The following IFT122 variants were observed in gnomAD, a reference collection of about 807,000 sequenced individuals.
IFT122 encodes the protein intraflagellar transport 122.
Under a neutral mutation model 161.6 loss-of-function variants are expected in IFT122, and 118 were observed. That is an observed-to-expected ratio of 0.73 (90% CI 0.63 to 0.85). The LOEUF (loss-of-function observed/expected upper bound fraction) is 0.85. Ranked by LOEUF, IFT122 falls within the 40% of genes least tolerant of loss-of-function variation. The probability of loss-of-function intolerance (pLI) is 0.00; values close to 1 mark genes in which losing one functional copy is unlikely to be tolerated. For missense variants in IFT122, 1,381 were observed against 1,579.6 expected (o/e 0.87, Z 2.13); for synonymous variants, 550 against 602.4 (o/e 0.91, Z 1.27).
rs13090150 is a variant in IFT122, at chr3:129,450,872, C to T, written c.108+935C>T. Among the ~76,000 whole-genome samples, 193 of 151,916 alleles carry T rather than the reference C, an allele frequency of 1.3e-3. 2 individuals are homozygous for T. The highest frequency in any genetic ancestry group is 9.7e-3 in the Admixed American group (147 of 15,230). ...AGTAGCTGGGACTACAGGCGCCTGC[C>T]GCTACGCTCAGCTAATTTTTTGTAT... On this transcript the variant is annotated intron_variant, in intron 2 of 29. Transcript: ENST00000348417.
chr3:129,494,430 G>C (rs376558651), intron 17 of IFT122, among the ~76,000 whole-genome samples: 1 of 152,112 alleles, frequency 6.6e-6, no homozygotes, highest in African/African-American at 2.4e-5. Flanking sequence ...TGAGCTGTGT[G>C]CAGGTTTTTA....
In IFT122 at chr3:129,481,632, G is replaced by A. The variant is rs779410469; in HGVS notation, c.1591G>A (p.Val531Met). The A allele has an allele frequency of 1.4e-5, 23 of 1,610,660 alleles. No individual in the cohort carries two copies. Among genetic ancestry groups the A allele is most frequent in the African/African-American group, 2.7e-5 (2 of 74,890 alleles). ...DMSASRKKLA[V>M]VDENDTCLVY... Reference sequence around the variant, plus strand: ...GAGTGCCTCCCGTAAGAAGCTGGCCGTGGTAGATGAAAATGACACTTGCCT... The same window carrying A: ...GAGTGCCTCCCGTAAGAAGCTGGCCATGGTAGATGAAAATGACACTTGCCT... The change falls in exon 14 of 30, where the codon GTG (valine) becomes ATG (methionine). Residue 531 changes from valine to methionine, a missense_variant. Val to Met is a conservative substitution (Grantham distance 21). Around this residue, in one of 7 missense-constraint regions of IFT122, gnomAD observed 544 missense variants for 648.0 expected, o/e 0.84. Coordinates refer to ENST00000348417, the MANE Select transcript of IFT122 (RefSeq NM_052989.3).
At chr3:129,497,286 C>G (rs983286895) in intron 18 of IFT122, among the ~76,000 whole-genome samples, 3 of 152,204 alleles carry the variant, frequency 2.0e-5, no homozygotes, top group Non-Finnish European at 4.4e-5. Flanking sequence ...TAATAAAATG[C>G]CTGGCCTTGG....
intron 15 of IFT122, among the ~76,000 whole-genome samples, chr3:129,484,331 CAG>C (rs1025690201): frequency 6.6e-6 from 1 of 152,152 alleles, no homozygotes; most frequent in Non-Finnish European, 1.5e-5. Context: ...TGCCATAAAA[CAG>C]AGACGTGCAT....
chr3:129,444,527 T>C (rs1349780437), intron 1 of IFT122, among the ~76,000 whole-genome samples: 1 of 152,000 alleles, frequency 6.6e-6, no homozygotes, highest in African/African-American at 2.4e-5. Flanking sequence ...AAGTTTACAC[T>C]CTTTTTTTTT....
chr3:129,500,402 C>T (rs1474735704), intron 19 of IFT122, among the ~76,000 whole-genome samples: 5 of 152,226 alleles, frequency 3.3e-5, no homozygotes, highest in African/African-American at 7.2e-5. Flanking sequence ...TGTCTCCTCG[C>T]CCACCTTGCA....
rs144640118 is a variant in IFT122, at chr3:129,446,198, G to A, written c.42-3673G>A. On this transcript the variant is annotated intron_variant, in intron 1 of 29. Coordinates refer to ENST00000348417, the MANE Select transcript of IFT122 (RefSeq NM_052989.3). ...GCCACAATCCTTTATCTTAACCCAGGCATTCCTTTCTGTTGAACCTAGGTT... is the reference window on the plus strand; with the variant it reads ...GCCACAATCCTTTATCTTAACCCAGACATTCCTTTCTGTTGAACCTAGGTT... 4.5e-3 allele frequency among the ~76,000 whole-genome samples: 687 copies of A among 151,626 alleles called. 4 individuals are homozygous for A. Among genetic ancestry groups the A allele is most frequent in the African/African-American group, 0.016 (654 of 41,336 alleles).
chr3:129,485,969 A>G (rs1026027767), intron 15 of IFT122, among the ~76,000 whole-genome samples: 1 of 152,224 alleles, frequency 6.6e-6, no homozygotes, highest in Non-Finnish European at 1.5e-5. Context: ...TGCCTTTCGA[A>G]ATTTACATTG....
Position 129,506,457 on chromosome 3 carries a change from A to C in IFT122, c.2699A>C (p.Gln900Pro). The change falls in exon 22 of 30, where the codon CAG (glutamine) becomes CCG (proline). Residue 900 changes from glutamine to proline, a missense_variant. By Grantham distance (76) the Gln-to-Pro change is moderately conservative (BLOSUM62 -1). Around this residue, in one of 7 missense-constraint regions of IFT122, gnomAD observed 496 missense variants for 502.5 expected, o/e 0.99. Coordinates refer to ENST00000348417, the MANE Select transcript of IFT122 (RefSeq NM_052989.3). The part of the protein sequence containing the change: ...RQREAVQVLE[Q>P]LTNNAVAESR... ...AGAGAAGCGGTCCAGGTGCTGGAGC[A>C]GCTCACAAACAATGCCGTGGCGGAG... 1 of 1,614,254 alleles carries C rather than the reference A, an allele frequency of 6.2e-7. No homozygotes were observed. The highest frequency in any genetic ancestry group is 8.5e-7 in the Non-Finnish European group (1 of 1,180,050).
At chr3:129,498,101 G>A (rs951785460) in intron 18 of IFT122, among the ~76,000 whole-genome samples, 1 of 152,210 alleles carries the variant, frequency 6.6e-6, no homozygotes, top group Non-Finnish European at 1.5e-5. Flanking sequence ...CCCAGATAAT[G>A]TGTAACTTAG....
At chr3:129,498,417 T>C (rs925967750) in intron 18 of IFT122, among the ~76,000 whole-genome samples, 2 of 152,208 alleles carry the variant, frequency 1.3e-5, no homozygotes, top group Non-Finnish European at 2.9e-5. Flanking sequence ...CCATAGCAGC[T>C]GCCAGAAGGA....
At position 129,513,803 on chromosome 3, in the gene IFT122, A is replaced by G. The variant is rs112615237; in HGVS notation, c.2988-586A>G. 797 of 204,106 alleles carry G rather than the reference A, an allele frequency of 3.9e-3. 8 individuals carry two copies. The highest frequency in any genetic ancestry group is 0.018 in the African/African-American group (764 of 42,668). The allele number at this position is 204,106 out of a possible 1,614,324, so 12.6% of individuals were successfully genotyped here. On this transcript the variant is annotated intron_variant, in intron 24 of 29. Transcript: ENST00000348417. ...AGGAAGGGCAGGAGGGCCTGGGGGC[A>G]GCCAACATCGGAGGTGACCTGAGAG...
chr3:129,455,666 A>T (rs1481903686), intron 3 of IFT122, among the ~76,000 whole-genome samples: 5 of 152,076 alleles, frequency 3.3e-5, no homozygotes, highest in Non-Finnish European at 7.4e-5. Flanking sequence ...TCTGCATGTA[A>T]TTTCTGAACC....
chr3:129,451,441 C>T (rs2074837151), intron 2 of IFT122, among the ~76,000 whole-genome samples: 1 of 152,118 alleles, frequency 6.6e-6, no homozygotes, highest in Non-Finnish European at 1.5e-5. Flanking sequence ...GGTTTTATAA[C>T]ATTCCCTCCT....
Position 129,464,710 on chromosome 3 carries a change from G to A in IFT122, c.492G>A (p.Glu164=), listed in dbSNP as rs1353749474. The A allele has an allele frequency of 2.5e-5, 40 of 1,614,104 alleles. No individual in the cohort carries two copies. Among genetic ancestry groups the A allele is most frequent in the Non-Finnish European group, 3.3e-5 (39 of 1,180,030 alleles). ...TCAGCATACGGAACAAAAATGGCGA[G>A]GAGAAAGTAAAGATCGAGCGGCCGG... ...GIISIRNKNG[E]EKVKIERPGG... is the part of the protein sequence containing the mutation. The change falls in exon 7 of 30, where the codon GAG becomes GAA. Residue 164 remains glutamate, a synonymous_variant. Coordinates refer to ENST00000348417, the MANE Select transcript of IFT122 (RefSeq NM_052989.3).
At position 129,460,005 on chromosome 3, in the gene IFT122, C is replaced by T. The variant is rs540606799; in HGVS notation, c.273-1223C>T. On this transcript the variant is annotated intron_variant, in intron 4 of 29. Coordinates refer to ENST00000348417, the MANE Select transcript of IFT122 (RefSeq NM_052989.3). ...CTTGAACTCCTGGGCTCAAGCAGTC[C>T]TCTCAAAGTACTGGGATTACAGATA... Among the ~76,000 whole-genome samples, 6 of 151,784 alleles carry T rather than the reference C, an allele frequency of 4.0e-5. No individual in the cohort carries two copies. The South Asian group carries it at 1.2e-3, about 32-fold the overall frequency.
At chr3:129,447,811 A>G (rs939597660) in intron 1 of IFT122, among the ~76,000 whole-genome samples, 1 of 152,110 alleles carries the variant, frequency 6.6e-6, no homozygotes, top group African/African-American at 2.4e-5. Context: ...CACCCAGCCT[A>G]AAATGTTTAT....
chr3:129,507,583 G>A (rs2108589942), intron 22 of IFT122, 85 bp from the exon 23 acceptor site: 2 of 1,009,270 alleles, frequency 2.0e-6, no homozygotes, highest in South Asian at 2.5e-5. Flanking sequence ...GAAAAGTACT[G>A]TTGCCTGGCC....
intron 6 of IFT122, 99 bp from the exon 7 acceptor site, chr3:129,464,536 A>G: frequency 7.0e-7 from 1 of 1,431,990 alleles, no homozygotes; most frequent in Non-Finnish European, 9.8e-7. Flanking sequence ...TTGCTGCCTC[A>G]TCAGACTTTT....
Sources: allele counts gnomAD v4.1 joint callset (sites outside exome capture counted in the v4.1 genomes callset), GRCh38; gene constraint gnomAD v4.1.1; regional missense constraint gnomAD v4.1.1; transcripts MANE v1.5; gene names NCBI Gene and HGNC (gene_info 2026-07-23, HGNC 2026-07-21).